CEP170: variants seen among roughly 807,000 people sequenced by gnomAD.
CEP170 encodes the protein centrosomal protein of 170 kDa.
Under a neutral mutation model 151.9 loss-of-function variants are expected in CEP170, and 21 were observed. The observed-to-expected ratio is 0.14, with a 90% CI of 0.10 to 0.20. The LOEUF (loss-of-function observed/expected upper bound fraction) is 0.20. Among genes scored for constraint, CEP170 ranks in the 10% least tolerant of loss-of-function variants. The pLI is 1.00. For synonymous variants in CEP170, 356 were observed against 648.8 expected, an observed-to-expected ratio of 0.55 and a Z score of 6.86; for missense variants, 964 against 1,892.9, an observed-to-expected ratio of 0.51 and a Z score of 9.11.
At chr1:243,177,042 A>G (rs1226828648) in intron 10 of CEP170, among the ~76,000 whole-genome samples, 2 of 152,252 alleles carry the variant, frequency 1.3e-5, no homozygotes, top group Non-Finnish European at 1.5e-5. Flanking sequence ...AAAGATGCAC[A>G]GTGTCCAATT....
intron 13 of CEP170, among the ~76,000 whole-genome samples, chr1:243,158,519 G>T (rs4658540): frequency 5.9e-5 from 9 of 152,122 alleles, no homozygotes; most frequent in Admixed American, 3.9e-4. Context: ...TTTCGTGGCA[G>T]ACTACATGAA....
chr1:243,214,632 C>G (rs567242172), intron 3 of CEP170, among the ~76,000 whole-genome samples: 2 of 151,818 alleles, frequency 1.3e-5, no homozygotes, highest in Middle Eastern at 6.8e-3. Flanking sequence ...ACAAGAAGCA[C>G]CAGAAATAAT....
At position 243,185,951 on chromosome 1, in the gene CEP170, C is replaced by G. The variant is rs1157534460; in HGVS notation, c.1394G>C (p.Gly465Ala). 2 of 1,613,570 alleles carry G rather than the reference C, an allele frequency of 1.2e-6. No individual in the cohort carries two copies. Among genetic ancestry groups the G allele is most frequent in the East Asian group, 4.5e-5 (2 of 44,890 alleles). Residue 465 changes from glycine (G) to alanine (A), a missense_variant, in exon 10 of 20, where the codon GGG becomes GCG. Coordinates refer to ENST00000366542, the MANE Select transcript of CEP170 (RefSeq NM_014812.3). This position sits in a 1 kb window ranked among gnomAD's most constrained non-coding sequence, Gnocchi z 4.9. ...CTGGCTTGGTCTGTGCCCAAGACTC[C>G]CTGAACTTCTTAATAATGCAGTTTG... is the stretch of plus-strand genomic sequence containing the variant. ...FLQTALLRSS[G>A]SLGHRPSQEM...
chr1:243,252,909 A>C (rs1394175717), intron 1 of CEP170, among the ~76,000 whole-genome samples: 1 of 152,208 alleles, frequency 6.6e-6, no homozygotes, highest in Non-Finnish European at 1.5e-5. Context: ...AATATATCTT[A>C]AAATGTAAAT....
At chr1:243,237,145 T>C (rs181271030) in intron 1 of CEP170, among the ~76,000 whole-genome samples, 21 of 152,334 alleles carry the variant, frequency 1.4e-4, no homozygotes, top group African/African-American at 5.1e-4. Context: ...TAACACACTT[T>C]ACTGTATAAC....
intron 14 of CEP170, among the ~76,000 whole-genome samples, chr1:243,154,079 T>G (rs2057349774): frequency 6.6e-6 from 1 of 152,234 alleles, no homozygotes; most frequent in Non-Finnish European, 1.5e-5. Flanking sequence ...ACACTTCATA[T>G]TCTAAATGGA....
chr1:243,163,945 G>A (rs1255619134), intron 13 of CEP170, among the ~76,000 whole-genome samples: 1 of 152,126 alleles, frequency 6.6e-6, no homozygotes, highest in Admixed American at 6.5e-5. Context: ...CTTTAAACCA[G>A]ATACTTCCAG....
intron 4 of CEP170, among the ~76,000 whole-genome samples, chr1:243,204,415 C>T (rs1197632591): frequency 6.6e-6 from 1 of 152,076 alleles, no homozygotes; most frequent in East Asian, 1.9e-4. Context: ...TTTTGTGGGC[C>T]ATTATGCAGG....
intron 13 of CEP170, among the ~76,000 whole-genome samples, chr1:243,159,283 G>C (rs1199536740): frequency 1.3e-5 from 2 of 152,004 alleles, no homozygotes; most frequent in Non-Finnish European, 2.9e-5. Flanking sequence ...ATGAAGAAAA[G>C]CTCCAGTTAA....
Position 243,199,186 on chromosome 1 carries a change from C to A in CEP170, c.505G>T (p.Ala169Ser), listed in dbSNP as rs745939528. The change falls in exon 7 of 20, where the codon GCT (alanine) becomes TCT (serine). Residue 169 changes from alanine (A) to serine (S), a missense_variant. Ala to Ser is a moderately conservative substitution (Grantham distance 99). Coordinates refer to ENST00000366542, the MANE Select transcript of CEP170 (RefSeq NM_014812.3). ...TATAATGGAGTACCACGGGGCATAG[C>A]AGAAATATCTGGAAAGAGGTGGGAA... is the stretch of plus-strand genomic sequence containing the variant. ...KSEEKAMDIS[A>S]MPRGTPLYGQ... 2.5e-6 allele frequency: 4 copies of A among 1,609,392 alleles called. No individual in the cohort carries two copies.
chr1:243,177,224 C>T (rs1359451916), intron 10 of CEP170, among the ~76,000 whole-genome samples: 4 of 152,016 alleles, frequency 2.6e-5, no homozygotes, highest in Admixed American at 6.6e-5. Context: ...AGAGAAGCGC[C>T]GTGGGGTAAG....
intron 3 of CEP170, among the ~76,000 whole-genome samples, chr1:243,216,505 A>G (rs1314120457): frequency 1.3e-5 from 2 of 152,234 alleles, no homozygotes; most frequent in African/African-American, 4.8e-5. Flanking sequence ...TGAGATGGCC[A>G]TGATAGCTTA....
intron 4 of CEP170, among the ~76,000 whole-genome samples, chr1:243,210,675 T>C (rs2061728738): frequency 7.1e-6 from 1 of 140,968 alleles, no homozygotes; most frequent in Non-Finnish European, 1.5e-5. Context: ...AGTGCAGTAG[T>C]GTGATCTTGG....
chr1:243,142,700 C>T (rs2055991586), intron 14 of CEP170, among the ~76,000 whole-genome samples: 1 of 152,102 alleles, frequency 6.6e-6, no homozygotes, highest in Admixed American at 6.5e-5. Context: ...TTTAAAAGCC[C>T]TTGAGTAGAG....
At chr1:243,211,550 T>C in intron 4 of CEP170, 1 of 203,338 alleles carries the variant, frequency 4.9e-6, no homozygotes, top group Admixed American at 6.0e-5. Context: ...ATCCCTAGGC[T>C]GGACTAAAAT....
At chr1:243,187,439 A>G (rs1198642771) in intron 8 of CEP170, among the ~76,000 whole-genome samples, 1 of 152,254 alleles carries the variant, frequency 6.6e-6, no homozygotes, top group East Asian at 1.9e-4. Context: ...AAGTCAAGTT[A>G]TTCTGTGCAT....
In CEP170 at chr1:243,199,116, C is replaced by A. The variant is rs556146502; in HGVS notation, c.575G>T (p.Arg192Ile). 4 of 1,611,962 alleles carry A rather than the reference C, an allele frequency of 2.5e-6. No individual in the cohort carries two copies. In the African/African-American group the frequency reaches 5.3e-5, roughly 22 times the overall value. ...AGGTTTGCCATTTGTCTTGAAAGCT[C>A]TTTTTTCATCCACCTCATCATCCCC... ...WWGDDEVDEKRAFKTNGKPEE... is the reference protein window; with the variant it reads ...WWGDDEVDEKIAFKTNGKPEE... Residue 192 changes from arginine (R) to isoleucine (I), a missense_variant, in exon 7 of 20, where the codon AGA becomes ATA. Coordinates refer to ENST00000366542, the MANE Select transcript of CEP170 (RefSeq NM_014812.3).
intron 10 of CEP170, among the ~76,000 whole-genome samples, chr1:243,184,454 A>C (rs572227033): frequency 1.3e-5 from 2 of 151,416 alleles, no homozygotes; most frequent in South Asian, 4.2e-4. Context: ...GAAACATCAG[A>C]TGTTTCTTAA....
At chr1:243,224,183 T>C (rs1007722896) in intron 2 of CEP170, among the ~76,000 whole-genome samples, 1 of 152,194 alleles carries the variant, frequency 6.6e-6, no homozygotes, top group African/African-American at 2.4e-5. Flanking sequence ...CAGAAATACA[T>C]AATTTAAATC....
Sources: allele counts gnomAD v4.1 joint callset (sites outside exome capture counted in the v4.1 genomes callset), GRCh38; gene constraint gnomAD v4.1.1; non-coding constraint Gnocchi (gnomAD v3.1); transcripts MANE v1.5; gene names NCBI Gene and HGNC (gene_info 2026-07-23, HGNC 2026-07-21).